The following ZNF658 variants were observed in gnomAD, a reference collection of about 807,000 sequenced individuals.
The protein encoded by ZNF658 is zinc finger protein 658.
ZNF658 carries 46 observed loss-of-function variants against 78.0 expected under a neutral mutation model. The ratio of observed to expected loss-of-function variants is 0.59; its 90% CI spans 0.47 to 0.75. The LOEUF is 0.75. Ranked by LOEUF, ZNF658 falls within the 30% of genes least tolerant of loss-of-function variation. ZNF658 has a pLI of 0.00. For synonymous variants in ZNF658, 279 were observed against 408.4 expected, an observed-to-expected ratio of 0.68 and a Z score of 3.82; for missense variants, 785 against 1,189.3, an observed-to-expected ratio of 0.66 and a Z score of 5.00.
intron 1 of ZNF658, among the ~76,000 whole-genome samples, chr9:66,901,822 T>G (rs1821958885): frequency 6.6e-6 from 1 of 151,794 alleles, no homozygotes; most frequent in African/African-American, 2.4e-5. Flanking sequence ...TGCACTCCTG[T>G]AATCCCAGCT....
intron 3 of ZNF658, 35 bp downstream of exon 3, chr9:66,908,399 T>A: frequency 6.2e-7 from 1 of 1,613,418 alleles, no homozygotes; most frequent in Non-Finnish European, 8.5e-7. Flanking sequence ...CTCTCGAGAA[T>A]ATATGTCCCT....
chr9:66,902,894 T>G (rs1293774514), intron 1 of ZNF658: 1 of 151,982 alleles, frequency 6.6e-6, no homozygotes, highest in African/African-American at 2.4e-5. Context: ...ATTTTTTATT[T>G]TTTTCTATTT....
At position 66,921,188 on chromosome 9, in the gene ZNF658, C is replaced by T. The variant is rs375574303; in HGVS notation, c.*442C>T. ...AAATTTGGCTTATTAGTTAAATGGA[C>T]GTAGTTTAGCTTAAACTTTATGTTA... On this transcript the variant is annotated 3_prime_UTR_variant, in exon 5 of 5. Transcript: ENST00000621410. The T allele has an allele frequency of 0.015, 2,339 of 160,064 alleles. 33 individuals carry two copies. Among genetic ancestry groups the T allele is most frequent in the Middle Eastern group, 0.027 (8 of 300 alleles). The allele number at this position is 160,064 out of a possible 1,614,324, so 9.9% of individuals were successfully genotyped here.
At position 66,918,138 on chromosome 9, in the gene ZNF658, A is replaced by G; in HGVS notation, c.572A>G (p.His191Arg). 1.3e-6 allele frequency: 2 copies of G among 1,595,044 alleles called. No homozygotes were observed. The highest frequency in any genetic ancestry group is 1.7e-6 in the Non-Finnish European group (2 of 1,174,824). The change falls in exon 5 of 5, where the codon CAT becomes CGT. Residue 191 changes from histidine (H) to arginine (R), a missense_variant. This residue lies in a region of ZNF658 where 393 missense variants were observed against 400.2 expected (regional missense o/e 0.98). Coordinates refer to ENST00000621410, the MANE Select transcript of ZNF658 (RefSeq NM_033160.7). ...KAHAEEKSYE[H>R]GENAKAFSYK... ...CATGCTGAAGAGAAATCTTATGAAC[A>G]TGGTGAAAATGCTAAAGCTTTCAGT...
intron 2 of ZNF658, among the ~76,000 whole-genome samples, chr9:66,905,055 C>G (rs1458223892): frequency 1.8e-5 from 1 of 54,688 alleles, no homozygotes; most frequent in East Asian, 3.7e-4. Flanking sequence ...TTTTTCTTTT[C>G]TCTTTTTCTT....
chr9:66,907,636 T>C (rs914068532), intron 2 of ZNF658, among the ~76,000 whole-genome samples: 1 of 152,268 alleles, frequency 6.6e-6, no homozygotes, highest in African/African-American at 2.4e-5. Context: ...AAAAACAAAA[T>C]TTTTTTAAAA....
downstream of ZNF658, among the ~76,000 whole-genome samples, chr9:66,923,707 G>T (rs913450626): frequency 1.1e-4 from 16 of 151,142 alleles, no homozygotes; most frequent in Non-Finnish European, 2.9e-5. Flanking sequence ...AGAATAGATT[G>T]TAAATGTTTT....
chr9:66,906,390 CA>C (rs900761050), intron 2 of ZNF658, among the ~76,000 whole-genome samples: 5 of 147,176 alleles, frequency 3.4e-5, no homozygotes, highest in Middle Eastern at 3.2e-3. Flanking sequence ...AGGAGCTTTT[CA>C]AAAGCTTTAT....
chr9:66,906,075 G>T (rs1052000061), intron 2 of ZNF658, among the ~76,000 whole-genome samples: 1 of 115,740 alleles, frequency 8.6e-6, no homozygotes. Flanking sequence ...AGTAGAGCCT[G>T]TGTTTATTGT....
intron 4 of ZNF658, among the ~76,000 whole-genome samples, chr9:66,912,600 A>AT (rs1822239583): frequency 7.3e-6 from 1 of 136,084 alleles, no homozygotes; most frequent in Non-Finnish European, 1.6e-5. Context: ...TAGATGTGCA[A>AT]TAACATGTCT....
intron 4 of ZNF658, among the ~76,000 whole-genome samples, chr9:66,915,337 A>T (rs1822310634): frequency 1.3e-5 from 2 of 152,098 alleles, no homozygotes; most frequent in South Asian, 4.2e-4. Context: ...TACAATACAC[A>T]TTCACCTGCC....
At chr9:66,907,574 A>C (rs1243611845) in intron 2 of ZNF658, among the ~76,000 whole-genome samples, 7 of 152,004 alleles carry the variant, frequency 4.6e-5, no homozygotes, top group South Asian at 2.1e-4. Context: ...TGAACTTTTT[A>C]GGTTCCACAT....
chr9:66,911,062 G>A (rs1308708472), intron 4 of ZNF658, among the ~76,000 whole-genome samples: 6 of 139,312 alleles, frequency 4.3e-5, no homozygotes, highest in African/African-American at 8.2e-5. Flanking sequence ...ACATCATAAT[G>A]TCTCATCTGA....
intron 4 of ZNF658, among the ~76,000 whole-genome samples, chr9:66,912,618 AG>A (rs1373538554): frequency 6.9e-6 from 1 of 144,508 alleles, no homozygotes; most frequent in Admixed American, 7.0e-5. Flanking sequence ...TCTAAAAAAC[AG>A]TATGCATGCC....
chr9:66,927,765 G>T, intron 6 of ZNF658, among the ~76,000 whole-genome samples: 2 of 149,842 alleles, frequency 1.3e-5, no homozygotes, highest in South Asian at 4.3e-4. Context: ...GACAAATCCC[G>T]TATAATTTGC....
intron 4 of ZNF658, among the ~76,000 whole-genome samples, chr9:66,913,529 C>T (rs892632047): frequency 2.6e-5 from 4 of 152,104 alleles, no homozygotes; most frequent in Non-Finnish European, 5.9e-5. Context: ...AGTGATGCTG[C>T]ACCTCACTCC....
At position 66,914,135 on chromosome 9, in the gene ZNF658, C is replaced by T. The variant is rs1337925706; in HGVS notation, c.239-3670C>T. On this transcript the variant is annotated intron_variant, in intron 4 of 4. Transcript: ENST00000621410. ...CTTAGGAGAATTGACATCTTAACAACGTACAGTCTTCCAGTCCATACACAA... is the reference window on the plus strand; with the variant it reads ...CTTAGGAGAATTGACATCTTAACAATGTACAGTCTTCCAGTCCATACACAA... Among the ~76,000 whole-genome samples the T allele has an allele frequency of 9.7e-3, 1,430 of 147,882 alleles. 34 individuals are homozygous for T. The highest frequency in any genetic ancestry group is 0.036 in the African/African-American group (1,335 of 37,434).
rs531820325 is a variant in ZNF658 at position 66,918,360 on chromosome 9, C to T, written c.794C>T (p.Thr265Ile). The T allele has an allele frequency of 2.6e-5, 42 of 1,613,702 alleles. No individual in the cohort carries two copies. The South Asian group carries it at 4.4e-4, about 17-fold the overall frequency. ...ITLFNHMRTD[T>I]RGKCSDLNEY... is the part of the protein sequence containing the mutation. ...TTATTTAACCACATGAGAACTGACA[C>T]AAGGGGGAAATGCTCTGATCTTAAT... Residue 265 changes from threonine (T) to isoleucine (I), a missense_variant, in exon 5 of 5, where the codon ACA becomes ATA. This residue lies in a region of ZNF658 where 393 missense variants were observed against 400.2 expected (regional missense o/e 0.98). Coordinates refer to ENST00000621410, the MANE Select transcript of ZNF658 (RefSeq NM_033160.7).
intron 4 of ZNF658, among the ~76,000 whole-genome samples, chr9:66,914,966 G>T (rs2118044423): frequency 6.6e-6 from 1 of 152,192 alleles, no homozygotes; most frequent in South Asian, 2.1e-4. Flanking sequence ...AGAAGACATT[G>T]TGTAGGATTG....
Sources: gnomAD v4.1 joint callset for allele counts (sites outside exome capture counted in the v4.1 genomes callset) on GRCh38, gnomAD v4.1.1 for gene constraint, gnomAD v4.1.1 regional missense constraint, MANE v1.5 for transcripts, NCBI Gene and HGNC (gene_info 2026-07-23, HGNC 2026-07-21) for gene names.